Variants in VAX2 observed in about 807,000 individuals in gnomAD.
The protein encoded by VAX2 is ventral anterior homeobox 2.
A neutral mutation model predicts 12.5 loss-of-function variants in VAX2; 8 were observed. The ratio of observed to expected loss-of-function variants is 0.64; its 90% CI spans 0.37 to 1.15. VAX2 has a LOEUF of 1.15. VAX2 is among the 50% of genes most tolerant of loss of function. The pLI is 0.01. For synonymous variants in VAX2, 183 were observed against 187.6 expected (o/e 0.98, Z 0.20); for missense variants, 476 against 412.9 (o/e 1.15, Z -1.32).
intron 1 of VAX2, among the ~76,000 whole-genome samples, chr2:70,914,403 A>G (rs1332758423): frequency 6.6e-6 from 1 of 152,162 alleles, no homozygotes; most frequent in Non-Finnish European, 1.5e-5. Flanking sequence ...GAGCATTGAT[A>G]TTGCACCACT....
chr2:70,922,333 G>A (rs1441215447), intron 2 of VAX2, among the ~76,000 whole-genome samples: 1 of 151,906 alleles, frequency 6.6e-6, no homozygotes, highest in Non-Finnish European at 1.5e-5. Context: ...GCAGTGTGCT[G>A]GTTTCCTTCC....
At chr2:70,913,895 G>A (rs1679250968) in intron 1 of VAX2, among the ~76,000 whole-genome samples, 1 of 152,090 alleles carries the variant, frequency 6.6e-6, no homozygotes, top group South Asian at 2.1e-4. Context: ...CTACATAAAT[G>A]AGATTAAACT....
At chr2:70,907,280 C>G (rs1679081650) in intron 1 of VAX2, among the ~76,000 whole-genome samples, 1 of 152,242 alleles carries the variant, frequency 6.6e-6, no homozygotes, top group Non-Finnish European at 1.5e-5. Context: ...GGCTTAGAGG[C>G]CGGCCTAGGC....
chr2:70,909,823 G>A (rs553849323), intron 1 of VAX2, among the ~76,000 whole-genome samples: 5 of 152,040 alleles, frequency 3.3e-5, no homozygotes, highest in Non-Finnish European at 7.4e-5. Context: ...ATTTAGGTTG[G>A]TTGTACTTTT....
chr2:70,905,147 A>C (rs924965828), intron 1 of VAX2, among the ~76,000 whole-genome samples: 4 of 152,106 alleles, frequency 2.6e-5, no homozygotes, highest in African/African-American at 9.7e-5. Flanking sequence ...CCTGCTGAGC[A>C]GGCGTTTAGT....
rs782217454 is a variant in VAX2, at chr2:70,921,217, C to A, written c.367C>A (p.Arg123Ser). 5 of 1,613,498 alleles carry A rather than the reference C, an allele frequency of 3.1e-6. No homozygotes were observed. The highest frequency in any genetic ancestry group is 1.3e-5 in the African/African-American group (1 of 74,916). ...QLYRLEMEFQ[R>S]CQYVVGRERT... Reference sequence around the variant, plus strand: ...GTACCGCCTGGAGATGGAGTTCCAGCGCTGCCAGTATGTGGTGGGCCGCGA... The same window carrying A: ...GTACCGCCTGGAGATGGAGTTCCAGAGCTGCCAGTATGTGGTGGGCCGCGA... Residue 123 changes from arginine to serine, a missense_variant, in exon 2 of 3, where the codon CGC becomes AGC. Arg to Ser is a moderately radical substitution (Grantham distance 110). Coordinates refer to ENST00000234392, the MANE Select transcript of VAX2 (RefSeq NM_012476.3).
rs61275549 is a variant in VAX2, at chr2:70,900,676, G to A, written c.55G>A (p.Gly19Ser). 1.9e-4 allele frequency: 241 copies of A among 1,292,512 alleles called. 1 individual carries two copies. In the Middle Eastern group the frequency reaches 2.6e-3, roughly 14 times the overall value. The allele number at this position is 1,292,512 out of a possible 1,614,324, so 80.1% of individuals were successfully genotyped here. A position where few individuals can be genotyped will look rare whatever the true frequency, so the allele number is the denominator to read the frequency against. Residue 19 changes from glycine (G) to serine (S), a missense_variant, in exon 1 of 3, where the codon GGT (glycine) becomes AGT (serine). Transcript: ENST00000234392. ...GGGCCCCGCGCGCCGGGCGGAGTCT[G>A]GTGGCGGCGGTGGGCGCTGCGGAGA... ...DRGPARRAES[G>S]GGGGRCGDRS...
At chr2:70,905,114 A>G (rs1275795200) in intron 1 of VAX2, among the ~76,000 whole-genome samples, 2 of 151,862 alleles carry the variant, frequency 1.3e-5, no homozygotes, top group African/African-American at 4.8e-5. Context: ...GCTTGGGGAG[A>G]TCGGCCGGGC....
chr2:70,912,616 C>T (rs782212187), intron 1 of VAX2, among the ~76,000 whole-genome samples: 2 of 152,214 alleles, frequency 1.3e-5, no homozygotes, highest in South Asian at 2.1e-4. Context: ...GAGCTGAGAT[C>T]ACGCCGTTGC....
chr2:70,921,307 ACT>A, intron 2 of VAX2, 22 bp downstream of exon 2: 1 of 1,564,314 alleles, frequency 6.4e-7, no homozygotes. Flanking sequence ...GGGCCAGGCC[ACT>A]CCACTCTTGT....
chr2:70,918,433 G>A (rs1479644345), intron 1 of VAX2, among the ~76,000 whole-genome samples: 1 of 152,170 alleles, frequency 6.6e-6, no homozygotes, highest in Non-Finnish European at 1.5e-5. Context: ...TCTCAAGGTA[G>A]GTCCCACCGT....
intron 1 of VAX2, among the ~76,000 whole-genome samples, chr2:70,905,944 C>T (rs782089727): frequency 9.9e-5 from 15 of 152,220 alleles, no homozygotes; most frequent in Non-Finnish European, 2.2e-4. Context: ...TGGCTGCAGG[C>T]TCCCTTCTTG....
rs782807394 is a variant in VAX2, at chr2:70,921,167, G to C, written c.317G>C (p.Arg106Pro). The C allele has an allele frequency of 6.2e-7, 1 of 1,613,528 alleles. No homozygotes were observed. Among genetic ancestry groups the C allele is most frequent in the African/African-American group, 1.3e-5 (1 of 74,922 alleles). The change falls in exon 2 of 3, where the codon CGT becomes CCT. Residue 106 changes from arginine to proline, a missense_variant. By Grantham distance (103) the Arg-to-Pro change is moderately radical. Transcript: ENST00000234392. ...GLDLDRPKRT[R>P]TSFTAEQLYR... Reference sequence around the variant, plus strand: ...GACCTGGACCGGCCCAAGCGGACACGTACATCCTTCACTGCCGAGCAGCTG... The same window carrying C: ...GACCTGGACCGGCCCAAGCGGACACCTACATCCTTCACTGCCGAGCAGCTG...
intron 1 of VAX2, among the ~76,000 whole-genome samples, chr2:70,914,269 G>A (rs915376885): frequency 6.6e-6 from 1 of 152,142 alleles, no homozygotes; most frequent in African/African-American, 2.4e-5. Flanking sequence ...CCAACATGGT[G>A]AAACCCTGTC....
rs966757865 is a variant in VAX2, at chr2:70,900,752, C to T, written c.131C>T (p.Thr44Met). 1.3e-6 allele frequency: 2 copies of T among 1,481,858 alleles called. No individual in the cohort carries two copies. The highest frequency in any genetic ancestry group is 1.8e-6 in the Non-Finnish European group (2 of 1,115,280). 91.8% of individuals were successfully genotyped at this position (1,481,858 alleles called of 1,614,324 possible). A position where few individuals can be genotyped will look rare whatever the true frequency, so the allele number is the denominator to read the frequency against. ...GCTGATGGCGGTGGCCACAGCCCAA[C>T]GGAGGTGGCCGGGACCTCAGCCTCC... ...LRADGGGHSP[T>M]EVAGTSASSP... The change falls in exon 1 of 3, where the codon ACG becomes ATG. Residue 44 changes from threonine to methionine, a missense_variant. Transcript: ENST00000234392.
intron 1 of VAX2, among the ~76,000 whole-genome samples, chr2:70,919,769 T>G (rs181621868): frequency 5.3e-4 from 80 of 152,292 alleles, no homozygotes; most frequent in African/African-American, 1.9e-3. Flanking sequence ...GGAGGATTGA[T>G]TGAACCCTAG....
chr2:70,911,004 C>A (rs1679170374), intron 1 of VAX2, among the ~76,000 whole-genome samples: 1 of 151,824 alleles, frequency 6.6e-6, no homozygotes, highest in African/African-American at 2.4e-5. Context: ...ATGTTTGCTA[C>A]CAAAAAAATT....
intron 1 of VAX2, among the ~76,000 whole-genome samples, chr2:70,920,878 C>G (rs1009921634): frequency 7.2e-5 from 11 of 152,168 alleles, no homozygotes; most frequent in African/African-American, 2.7e-4. Flanking sequence ...GTACTGAGGC[C>G]TATTCACATA....
Position 70,927,008 on chromosome 2 carries a change from A to G in VAX2, c.435+5723A>G, listed in dbSNP as rs117720957. ...GCTACTATATATTGTCTCCTCCACT[A>G]TATTGTTTGCTACTTCAACCAAAAC... is the stretch of plus-strand genomic sequence containing the variant. On this transcript the variant is annotated intron_variant, in intron 2 of 2. Coordinates refer to ENST00000234392, the MANE Select transcript of VAX2 (RefSeq NM_012476.3). Among the ~76,000 whole-genome samples, 10 of 152,260 alleles carry G rather than the reference A, an allele frequency of 6.6e-5. No homozygotes were observed. The East Asian group carries it at 1.9e-3, about 29-fold the overall frequency.
Sources: allele counts gnomAD v4.1 joint callset (sites outside exome capture counted in the v4.1 genomes callset), GRCh38; gene constraint gnomAD v4.1.1; transcripts MANE v1.5; gene names NCBI Gene and HGNC (gene_info 2026-07-23, HGNC 2026-07-21).